GMDS: variants seen among roughly 807,000 people sequenced by gnomAD.
GMDS encodes GDP-mannose 4,6-dehydratase, also known as GDP-mannose 4,6 dehydratase.
In GMDS, 20 loss-of-function variants were observed where a neutral mutation model predicts 49.9. The ratio of observed to expected loss-of-function variants is 0.40; its 90% CI spans 0.28 to 0.58. GMDS has a LOEUF of 0.58. Among genes scored for constraint, GMDS ranks in the 20% least tolerant of loss-of-function variants. The pLI is 0.42. For synonymous variants in GMDS, 177 were observed against 178.6 expected (o/e 0.99, Z 0.07); for missense variants, 362 against 481.4 (o/e 0.75, Z 2.32).
At chr6:1,677,554 C>G (rs909173363) in intron 9 of GMDS, among the ~76,000 whole-genome samples, 6 of 151,982 alleles carry the variant, frequency 3.9e-5, no homozygotes, top group Non-Finnish European at 8.8e-5. Flanking sequence ...CCCAAATGTC[C>G]ATCAATGATA....
intron 6 of GMDS, among the ~76,000 whole-genome samples, chr6:1,950,557 G>A (rs1180752176): frequency 6.6e-6 from 1 of 152,084 alleles, no homozygotes; most frequent in Non-Finnish European, 1.5e-5. Flanking sequence ...AATACTTAAG[G>A]CCCTGGAGCT....
At chr6:1,674,694 G>A (rs1388251808) in intron 9 of GMDS, among the ~76,000 whole-genome samples, 3 of 147,168 alleles carry the variant, frequency 2.0e-5, no homozygotes, top group Non-Finnish European at 4.5e-5. Flanking sequence ...AGTCTCCCAG[G>A]TAGCTGGGAC....
intron 7 of GMDS, among the ~76,000 whole-genome samples, chr6:1,870,372 G>A (rs967866146): frequency 6.6e-5 from 10 of 152,122 alleles, no homozygotes; most frequent in African/African-American, 2.4e-4. Context: ...TTTCAGCAAC[G>A]AAGATACGCC....
intron 7 of GMDS, among the ~76,000 whole-genome samples, chr6:1,839,256 A>G (rs1161654210): frequency 6.6e-6 from 1 of 152,180 alleles, no homozygotes; most frequent in African/African-American, 2.4e-5. Context: ...ACCCAGATCT[A>G]TATGCTTGTG....
intron 8 of GMDS, among the ~76,000 whole-genome samples, chr6:1,736,863 G>A (rs3800032): frequency 0.34 from 51,611 of 152,098 alleles, 9,910 homozygotes; most frequent in Non-Finnish European, 0.45. Flanking sequence ...CCCACAGTGA[G>A]TTTGACAGTC....
intron 7 of GMDS, among the ~76,000 whole-genome samples, chr6:1,747,132 C>T (rs554893470): frequency 2.0e-5 from 3 of 152,152 alleles, no homozygotes; most frequent in African/African-American, 4.8e-5. Context: ...TGGGAAGCTG[C>T]CAGCTCTGGT....
chr6:2,018,544 C>A (rs910494925), intron 4 of GMDS, among the ~76,000 whole-genome samples: 18 of 152,152 alleles, frequency 1.2e-4, no homozygotes, highest in Non-Finnish European at 1.9e-4. Flanking sequence ...GCCTTCTATG[C>A]CTATAGATTT....
rs200271939 is a variant in GMDS at position 1,652,370 on chromosome 6, TAAA to T, written c.988-27833_988-27831del. Among the ~76,000 whole-genome samples the T allele has an allele frequency of 3.8e-3, 45 of 11,962 alleles. 4 individuals are homozygous for T. The highest frequency in any genetic ancestry group is 0.01 in the African/African-American group (30 of 2,932). 7.8% of individuals were successfully genotyped at this position (11,962 alleles called of 152,430 possible). On this transcript the variant is annotated intron_variant, in intron 9 of 10. Transcript: ENST00000380815. ...CTGGGTGACAAGAGTGAAACTCCGCTAAAAAAAAAAATATATATATATTATATA... is the reference window on the plus strand; with the variant it reads ...CTGGGTGACAAGAGTGAAACTCCGCTAAAAAAAATATATATATATTATATA...
intron 7 of GMDS, among the ~76,000 whole-genome samples, chr6:1,881,391 TA>T (rs1759356926): frequency 6.6e-6 from 1 of 152,068 alleles, no homozygotes; most frequent in Non-Finnish European, 1.5e-5. Context: ...AAAAAATCAT[TA>T]AAAGATTAAA....
chr6:1,773,242 A>C (rs1322189803), intron 7 of GMDS, among the ~76,000 whole-genome samples: 1 of 151,042 alleles, frequency 6.6e-6, no homozygotes, highest in African/African-American at 2.4e-5. Flanking sequence ...TTTGAGAGCA[A>C]TATCTATATT....
At chr6:2,188,706 T>C (rs185807941) in intron 1 of GMDS, among the ~76,000 whole-genome samples, 2 of 152,304 alleles carry the variant, frequency 1.3e-5, no homozygotes, top group East Asian at 3.9e-4. Context: ...AACTGACTGA[T>C]TATAACATAC....
At chr6:1,673,368 C>CTT (rs59839970) in intron 9 of GMDS, among the ~76,000 whole-genome samples, 85 of 143,440 alleles carry the variant, frequency 5.9e-4, no homozygotes, top group South Asian at 2.4e-3. Flanking sequence ...TACCAAAGGG[C>CTT]TTTTTTTTTT....
At chr6:1,624,713 T>C (rs1039203455) in intron 9 of GMDS, 173 bp from the exon 10 acceptor site, 2 of 601,034 alleles carry the variant, frequency 3.3e-6, no homozygotes, top group South Asian at 4.0e-5. Context: ...GCGCCGTAAA[T>C]CACTAGGTCG....
chr6:1,718,322 ACCT>A (rs1766245196), intron 9 of GMDS, among the ~76,000 whole-genome samples: 1 of 152,072 alleles, frequency 6.6e-6, no homozygotes, highest in African/African-American at 2.4e-5. Context: ...GTGACGGAAC[ACCT>A]CAACACCTCC....
chr6:2,070,381 C>G (rs1474073866), intron 4 of GMDS, among the ~76,000 whole-genome samples: 1 of 151,362 alleles, frequency 6.6e-6, no homozygotes, highest in Non-Finnish European at 1.5e-5. Flanking sequence ...AACTAACCTG[C>G]ACATTGTGCA....
chr6:1,942,119 A>G (rs1382846730), intron 6 of GMDS, among the ~76,000 whole-genome samples: 1 of 152,096 alleles, frequency 6.6e-6, no homozygotes, highest in Non-Finnish European at 1.5e-5. Flanking sequence ...AGACATTACC[A>G]TTAACTCTAG....
At chr6:1,982,123 T>A (rs1463576552) in intron 4 of GMDS, among the ~76,000 whole-genome samples, 1 of 152,068 alleles carries the variant, frequency 6.6e-6, no homozygotes, top group African/African-American at 2.4e-5. Flanking sequence ...CTGGCTGACA[T>A]GGTGAAACCC....
intron 7 of GMDS, among the ~76,000 whole-genome samples, chr6:1,798,628 C>T (rs1769830148): frequency 6.6e-6 from 1 of 152,158 alleles, no homozygotes; most frequent in African/African-American, 2.4e-5. Context: ...CGCTGAATCT[C>T]CAAGAGAAGG....
Position 2,124,792 on chromosome 6 carries a change from G to C in GMDS, c.103-61C>G, listed in dbSNP as rs1336974003. On this transcript the variant is annotated intron_variant, in intron 1 of 10. Transcript: ENST00000380815. ...CATAGTGGTATAGAAAGGTGGTCTA[G>C]ATGAAGAGTTTTGAGAAAAGCATTT... 2.6e-5 allele frequency: 34 copies of C among 1,303,630 alleles called. No individual in the cohort carries two copies. The East Asian group carries it at 7.9e-4, about 30-fold the overall frequency. 80.8% of individuals were successfully genotyped at this position (1,303,630 alleles called of 1,614,324 possible).
Sources: gnomAD v4.1 joint callset for allele counts (sites outside exome capture counted in the v4.1 genomes callset) on GRCh38, gnomAD v4.1.1 for gene constraint, MANE v1.5 for transcripts, NCBI Gene and HGNC (gene_info 2026-07-23, HGNC 2026-07-21) for gene names.